GNG4: variants seen among roughly 807,000 people sequenced by gnomAD.
GNG4 encodes guanine nucleotide-binding protein G(I)/G(S)/G(O) subunit gamma-4.
A neutral mutation model predicts 5.8 loss-of-function variants in GNG4; 4 were observed. That is an observed-to-expected ratio of 0.69 (90% CI 0.34 to 1.57). The LOEUF is 1.57. GNG4 is among the 40% of genes most tolerant of loss of function. The pLI is 0.06. For synonymous variants in GNG4, 29 were observed against 32.9 expected (o/e 0.88, Z 0.41); for missense variants, 96 against 95.1 (o/e 1.01, Z -0.04).
rs181536228 is a variant in GNG4 at position 235,551,600 on chromosome 1, G to A, written c.*509C>T. On this transcript the variant is annotated 3_prime_UTR_variant, in exon 4 of 4. Transcript: ENST00000391854. ...GAAAACCATTCCAATCCTGTGGGTTGTTGTCTTTTTACTAGGATGATGGAA... is the reference window on the plus strand; with the variant it reads ...GAAAACCATTCCAATCCTGTGGGTTATTGTCTTTTTACTAGGATGATGGAA... 1 of 152,850 alleles carries A rather than the reference G, an allele frequency of 6.5e-6. No homozygotes were observed. The highest frequency in any genetic ancestry group is 1.9e-4 in the East Asian group (1 of 5,196). 9.5% of individuals were successfully genotyped at this position (152,850 alleles called of 1,614,324 possible).
intron 3 of GNG4, 76 bp downstream of exon 3, chr1:235,583,664 A>C (rs1687696453): frequency 1.1e-6 from 1 of 929,388 alleles, no homozygotes; most frequent in East Asian, 2.5e-5. Context: ...AACTCTCACA[A>C]GTCTGCTTTG....
rs575632456 is a variant in GNG4 at position 235,549,799 on chromosome 1, T to C, written c.*2310A>G. 3 of 152,360 alleles carry C rather than the reference T, an allele frequency of 2.0e-5. No homozygotes were observed. Among genetic ancestry groups the C allele is most frequent in the African/African-American group, 7.2e-5 (3 of 41,578 alleles). 9.4% of individuals were successfully genotyped at this position (152,360 alleles called of 1,614,324 possible). On this transcript the variant is annotated 3_prime_UTR_variant, in exon 4 of 4. Coordinates refer to ENST00000391854, the MANE Select transcript of GNG4 (RefSeq NM_001098722.2). ...ATTACATTTGCCTCTTTGCAGGCAA[T>C]TTTATGCCTCCAACGGAACCATGGT...
chr1:235,610,463 C>T (rs1359725147), intron 1 of GNG4, among the ~76,000 whole-genome samples: 1 of 152,174 alleles, frequency 6.6e-6, no homozygotes, highest in East Asian at 1.9e-4. Flanking sequence ...ACTGTCTAAA[C>T]TTGTTCCTTA....
At chr1:235,645,570 G>T (rs1657482027) in intron 1 of GNG4, among the ~76,000 whole-genome samples, 1 of 152,150 alleles carries the variant, frequency 6.6e-6, no homozygotes, top group African/African-American at 2.4e-5. Flanking sequence ...GGCCGAGTCA[G>T]GTGGATCACC....
intron 1 of GNG4, chr1:235,615,272 A>G (rs1400682680): frequency 2.0e-5 from 3 of 152,338 alleles, no homozygotes; most frequent in African/African-American, 7.2e-5. Flanking sequence ...AGGACGCTAC[A>G]CTGCTGGCTT....
At chr1:235,585,905 A>G (rs891287505) in intron 2 of GNG4, among the ~76,000 whole-genome samples, 3 of 152,316 alleles carry the variant, frequency 2.0e-5, no homozygotes, top group Admixed American at 2.0e-4. Flanking sequence ...ATTTAATGCT[A>G]CCTTCATCTG....
At position 235,597,631 on chromosome 1, in the gene GNG4, T is replaced by TATA. The variant is rs71174447; in HGVS notation, c.-122-2121_-122-2120insTAT. Among the ~76,000 whole-genome samples, 28 of 107,880 alleles carry TATA rather than the reference T, an allele frequency of 2.6e-4. No individual in the cohort carries two copies. In the South Asian group the frequency reaches 6.0e-3, roughly 23 times the overall value. The allele number at this position is 107,880 out of a possible 152,430, so 70.8% of individuals were successfully genotyped here. A position where few individuals can be genotyped will look rare whatever the true frequency, so the allele number is the denominator to read the frequency against. The stretch of plus-strand genomic sequence containing the variant: ...GTGTGTGTGTGTGTGTGTGTGTGTA[T>TATA]TTTTTTTTTTTTCAGATGGAGTCTC... On this transcript the variant is annotated intron_variant, in intron 1 of 3. Transcript: ENST00000391854.
rs150345188 is a variant in GNG4 at position 235,612,439 on chromosome 1, C to T, written c.-122-16928G>A. ...GGTGCAGGGTCTGCGTGGGAAGATG[C>T]GCACCACAGGGCAGTATCTCGGGGA... On this transcript the variant is annotated intron_variant, in intron 1 of 3. Coordinates refer to ENST00000391854, the MANE Select transcript of GNG4 (RefSeq NM_001098722.2). Among the ~76,000 whole-genome samples the T allele has an allele frequency of 4.4e-3, 662 of 152,156 alleles. 7 individuals carry two copies. Among genetic ancestry groups the T allele is most frequent in the South Asian group, 0.033 (158 of 4,810 alleles).
intron 1 of GNG4, among the ~76,000 whole-genome samples, chr1:235,600,406 C>T (rs907457617): frequency 2.7e-5 from 4 of 148,514 alleles, no homozygotes; most frequent in African/African-American, 7.5e-5. Flanking sequence ...TGAGCCATGG[C>T]GCCTGGCTTT....
chr1:235,640,604 C>A (rs1305325201), intron 1 of GNG4, among the ~76,000 whole-genome samples: 1 of 152,256 alleles, frequency 6.6e-6, no homozygotes, highest in East Asian at 1.9e-4. Flanking sequence ...CGCATCAAGG[C>A]GAATACATAA....
intron 1 of GNG4, among the ~76,000 whole-genome samples, chr1:235,612,488 T>C (rs2102969842): frequency 6.6e-6 from 1 of 152,266 alleles, no homozygotes; most frequent in East Asian, 1.9e-4. Flanking sequence ...AGCGTCACTG[T>C]CTTGGTTCAC....
At chr1:235,617,278 C>G (rs1176899154) in intron 1 of GNG4, among the ~76,000 whole-genome samples, 1 of 152,142 alleles carries the variant, frequency 6.6e-6, no homozygotes, top group Non-Finnish European at 1.5e-5. Context: ...TATTACTTCT[C>G]TCAGAGAGAA....
At chr1:235,604,310 CGG>C (rs1401096866) in intron 1 of GNG4, among the ~76,000 whole-genome samples, 3 of 152,174 alleles carry the variant, frequency 2.0e-5, no homozygotes, top group Non-Finnish European at 2.9e-5. Context: ...GATCACCACA[CGG>C]GGGACGAAAA....
Position 235,550,175 on chromosome 1 carries a change from AT to A in GNG4, c.*1933del, listed in dbSNP as rs781664791. On this transcript the variant is annotated 3_prime_UTR_variant, in exon 4 of 4. Transcript: ENST00000391854. ...AGGACCTTCAGGTTGATCTTAGACA[AT>A]CCAAGAGCTAATTCATCGATGTCTA... 3.3e-5 allele frequency: 5 copies of A among 152,202 alleles called. No homozygotes were observed. Among genetic ancestry groups the A allele is most frequent in the Non-Finnish European group, 7.3e-5 (5 of 68,044 alleles). 9.4% of individuals were successfully genotyped at this position (152,202 alleles called of 1,614,324 possible).
Position 235,590,360 on chromosome 1 carries a change from CAGG to C in GNG4, c.-11+5037_-11+5039del, listed in dbSNP as rs561304928. 2.3e-4 allele frequency among the ~76,000 whole-genome samples: 35 copies of C among 152,112 alleles called. No individual in the cohort carries two copies. The South Asian group carries it at 7.3e-3, about 32-fold the overall frequency. On this transcript the variant is annotated intron_variant, in intron 2 of 3. Coordinates refer to ENST00000391854, the MANE Select transcript of GNG4 (RefSeq NM_001098722.2). ...GTCCCAGCTACTTGGGAGGCTGAGA[CAGG>C]AGAATTGCTTGAACCTGGAAGGCAG...
chr1:235,611,918 G>A (rs1688484810), intron 1 of GNG4, among the ~76,000 whole-genome samples: 1 of 151,994 alleles, frequency 6.6e-6, no homozygotes, highest in African/African-American at 2.4e-5. Flanking sequence ...AATAAAATTG[G>A]CCAGGTATGG....
chr1:235,556,465 G>T (rs1686909945), intron 3 of GNG4, among the ~76,000 whole-genome samples: 1 of 151,560 alleles, frequency 6.6e-6, no homozygotes, highest in Admixed American at 6.6e-5. Flanking sequence ...GGCTGAGGCA[G>T]GAGAATTGCT....
chr1:235,605,958 G>T (rs1040580384), intron 1 of GNG4, among the ~76,000 whole-genome samples: 1 of 132,836 alleles, frequency 7.5e-6, no homozygotes, highest in Non-Finnish European at 1.7e-5. Context: ...GAGAGTGTGG[G>T]GGGGTGGGTC....
At chr1:235,584,976 C>T (rs934091763) in intron 2 of GNG4, among the ~76,000 whole-genome samples, 1 of 152,172 alleles carries the variant, frequency 6.6e-6, no homozygotes, top group Non-Finnish European at 1.5e-5. Flanking sequence ...TAAAATGATG[C>T]AAATTGATAT....
Sources: gnomAD v4.1 joint callset for allele counts (sites outside exome capture counted in the v4.1 genomes callset) on GRCh38, gnomAD v4.1.1 for gene constraint, MANE v1.5 for transcripts, NCBI Gene and HGNC (gene_info 2026-07-23, HGNC 2026-07-21) for gene names.